Variants in ALS2 observed in about 807,000 individuals in gnomAD.
The protein encoded by ALS2 is alsin Rho guanine nucleotide exchange factor ALS2, also known as alsin.
ALS2 carries 117 observed loss-of-function variants against 203.4 expected under a neutral mutation model. The observed-to-expected ratio is 0.58, with a 90% CI of 0.50 to 0.67. The LOEUF (loss-of-function observed/expected upper bound fraction) is 0.67. ALS2 is among the 30% of genes least tolerant of loss of function. The pLI is 0.00. For missense variants in ALS2, 1,715 were observed against 1,989.4 expected, an observed-to-expected ratio of 0.86 and a Z score of 2.62; for synonymous variants, 718 against 725.9, an observed-to-expected ratio of 0.99 and a Z score of 0.17.
intron 9 of ALS2, 145 bp downstream of exon 9, chr2:201,746,421 A>G (rs1692652911): frequency 1.1e-6 from 1 of 875,106 alleles, no homozygotes; most frequent in Admixed American, 1.8e-5. Flanking sequence ...ATAAGGAGTG[A>G]AGGGGGCTTG....
intron 7 of ALS2, among the ~76,000 whole-genome samples, chr2:201,750,068 A>T (rs1692935945): frequency 6.6e-6 from 1 of 151,878 alleles, no homozygotes; most frequent in Non-Finnish European, 1.5e-5. Context: ...TGGGAGGCTG[A>T]GGCAGGAGAA....
At chr2:201,727,683 T>TTGGGGTGGGGGGGGGGGGGGG in intron 16 of ALS2, 22 bp downstream of exon 16, 1 of 951,276 alleles carries the variant, frequency 1.1e-6, no homozygotes, top group Non-Finnish European at 1.5e-6. Context: ...CGGGGTGGGG[T>TTGGGGTGGGGGGGGGGGGGGG]GGGGAGGGGG....
intron 1 of ALS2, among the ~76,000 whole-genome samples, chr2:201,770,926 A>C (rs7573960): frequency 0.49 from 73,901 of 152,066 alleles, 20,723 homozygotes; most frequent in Non-Finnish European, 0.62. Context: ...CAGAACTTGA[A>C]GATAATATAT....
In ALS2 at chr2:201,707,893, G is replaced by A. The variant is rs1689823313; in HGVS notation, c.4379C>T (p.Ser1460Phe). The change falls in exon 28 of 34, where the codon TCC becomes TTC. Residue 1460 changes from serine to phenylalanine, a missense_variant. Ser to Phe is a radical substitution (Grantham distance 155, BLOSUM62 -2). Around this residue, in one of 3 missense-constraint regions of ALS2, gnomAD observed 1,227 missense variants for 1,413.5 expected, o/e 0.87. Transcript: ENST00000264276. ...CCCTGGCTCTGGTGATTCAGATCGG[G>A]AATCTGACTTCCCAGTGCAAAAAGA... ...RKSFCTGKSDSRSESPEPGYV... is the reference protein window; with the variant it reads ...RKSFCTGKSDFRSESPEPGYV... 1 of 1,613,504 alleles carries A rather than the reference G, an allele frequency of 6.2e-7. No homozygotes were observed. Among genetic ancestry groups the A allele is most frequent in the Admixed American group, 1.7e-5 (1 of 59,996 alleles).
At chr2:201,777,437 A>T (rs1055211849) in intron 1 of ALS2, among the ~76,000 whole-genome samples, 1 of 152,138 alleles carries the variant, frequency 6.6e-6, no homozygotes, top group African/African-American at 2.4e-5. Context: ...GTACAAAGTA[A>T]AATAAAGCAA....
chr2:201,746,834 C>CT lies in ALS2; in HGVS notation c.1816-87dup, dbSNP rs1692695347. ...CCACAGGAACTGAAACGTTAGGTTG[C>CT]TTAAATAAGCGTGGTGCAGTCAGTC... On this transcript the variant is annotated intron_variant, in intron 8 of 33. Coordinates refer to ENST00000264276, the MANE Select transcript of ALS2 (RefSeq NM_020919.4). 116 of 1,492,074 alleles carry CT rather than the reference C, an allele frequency of 7.8e-5. 1 individual carries two copies. The South Asian group carries it at 1.2e-3, about 15-fold the overall frequency. The allele number at this position is 1,492,074 out of a possible 1,614,324, so 92.4% of individuals were successfully genotyped here.
intron 9 of ALS2, among the ~76,000 whole-genome samples, chr2:201,745,445 C>T (rs1246572126): frequency 1.3e-5 from 2 of 152,072 alleles, no homozygotes; most frequent in Non-Finnish European, 2.9e-5. Flanking sequence ...AGCCCATATG[C>T]TATTTTACTT....
intron 4 of ALS2, among the ~76,000 whole-genome samples, chr2:201,757,965 C>T (rs1408176314): frequency 6.6e-6 from 1 of 152,144 alleles, no homozygotes; most frequent in Non-Finnish European, 1.5e-5. Context: ...AATACAGTTC[C>T]TTCTCCAAAG....
At chr2:201,718,032 T>G (rs1690521857) in intron 24 of ALS2, 45 bp downstream of exon 24, 3 of 1,601,300 alleles carry the variant, frequency 1.9e-6, no homozygotes, top group Non-Finnish European at 2.6e-6. Context: ...GCAAGACAAC[T>G]CCAAACATTC....
chr2:201,760,644 A>G, intron 4 of ALS2: 2 of 1,322,124 alleles, frequency 1.5e-6, no homozygotes, highest in Non-Finnish European at 1.9e-6. Context: ...TCCTACTTAT[A>G]AAACAAGCCC....
At chr2:201,770,715 A>C (rs1215044309) in intron 1 of ALS2, among the ~76,000 whole-genome samples, 1 of 152,186 alleles carries the variant, frequency 6.6e-6, no homozygotes, top group Non-Finnish European at 1.5e-5. Flanking sequence ...TCAAAGAGAC[A>C]TGATGATGGA....
rs550386700 is a variant in ALS2, at chr2:201,717,024, T to TA, written c.3836+1052dup. On this transcript the variant is annotated intron_variant, in intron 24 of 33. Transcript: ENST00000264276. Reference sequence around the variant, plus strand: ...GGAGAGATGGTGGGAGAACAGAAAATAAAGCCAAAAATGCAATGGGTATAA... The same window carrying TA: ...GGAGAGATGGTGGGAGAACAGAAAATAAAAGCCAAAAATGCAATGGGTATAA... Among the ~76,000 whole-genome samples, 398 of 152,218 alleles carry TA rather than the reference T, an allele frequency of 2.6e-3. 1 individual carries two copies. The highest frequency in any genetic ancestry group is 5.6e-3 in the South Asian group (27 of 4,826).
chr2:201,708,414 T>C (rs1473678323), intron 27 of ALS2, among the ~76,000 whole-genome samples: 1 of 152,230 alleles, frequency 6.6e-6, no homozygotes, highest in African/African-American at 2.4e-5. Context: ...TTTATTTTTA[T>C]AGATTCAGGA....
intron 1 of ALS2, among the ~76,000 whole-genome samples, chr2:201,771,195 C>T (rs1465649198): frequency 6.6e-6 from 1 of 151,738 alleles, no homozygotes; most frequent in Non-Finnish European, 1.5e-5. Flanking sequence ...TACAGGCACC[C>T]GCCATTACGC....
intron 1 of ALS2, among the ~76,000 whole-genome samples, chr2:201,772,872 T>TTTC (rs577051693): frequency 7.8e-4 from 83 of 106,104 alleles, no homozygotes; most frequent in African/African-American, 1.1e-3. Flanking sequence ...TTTTTTTTTT[T>TTTC]CATTTTTGAG....
intron 25 of ALS2, among the ~76,000 whole-genome samples, chr2:201,712,170 A>C (rs1299860128): frequency 1.3e-5 from 2 of 152,246 alleles, no homozygotes; most frequent in Non-Finnish European, 2.9e-5. Context: ...GGTTTACTTT[A>C]AGTATCAATT....
At position 201,744,242 on chromosome 2, in the gene ALS2, G is replaced by C. The variant is rs1294765967; in HGVS notation, c.2170+16C>G. ...CCTGATGGTTTAATGGTGGGAGAGA[G>C]GGGGTTGCAACTTACCTAAACTGAG... On this transcript the variant is annotated intron_variant, in intron 10 of 33. Transcript: ENST00000264276. 1 of 1,610,268 alleles carries C rather than the reference G, an allele frequency of 6.2e-7. No homozygotes were observed. Among genetic ancestry groups the C allele is most frequent in the East Asian group, 2.2e-5 (1 of 44,838 alleles).
In ALS2 at chr2:201,767,274, AAACAGT is replaced by A; in HGVS notation, c.124_129del (p.Thr42_Val43del). 6.2e-7 allele frequency: 1 copy of A among 1,614,104 alleles called. No individual in the cohort carries two copies. The highest frequency in any genetic ancestry group is 8.5e-7 in the Non-Finnish European group (1 of 1,180,036). On this transcript the variant is annotated inframe_deletion, in exon 3 of 34. Coordinates refer to ENST00000264276, the MANE Select transcript of ALS2 (RefSeq NM_020919.4). The stretch of plus-strand genomic sequence containing the variant: ...TGTTTCACTCCGAGGGCTGCCTGCA[AAACAGT>A]CTTTCCTCCCCAGCCTGGCAATCTC...
At chr2:201,752,509 T>C (rs1316890847) in intron 7 of ALS2, among the ~76,000 whole-genome samples, 1 of 152,092 alleles carries the variant, frequency 6.6e-6, no homozygotes, top group East Asian at 1.9e-4. Context: ...GTTATGTTAG[T>C]TTTTTGGCTA....
Sources: allele counts gnomAD v4.1 joint callset (sites outside exome capture counted in the v4.1 genomes callset), GRCh38; gene constraint gnomAD v4.1.1; regional missense constraint gnomAD v4.1.1; transcripts MANE v1.5; gene names NCBI Gene and HGNC (gene_info 2026-07-23, HGNC 2026-07-21).